Variants in REEP3 observed in about 807,000 individuals in gnomAD.
REEP3 encodes the protein receptor accessory protein 3.
REEP3 carries 20 observed loss-of-function variants against 41.3 expected under a neutral mutation model. The ratio of observed to expected loss-of-function variants is 0.48; its 90% confidence interval spans 0.34 to 0.70. REEP3 has a LOEUF of 0.70. REEP3 is among the 30% of genes least tolerant of loss of function. The probability of loss-of-function intolerance (pLI) is 0.01; values close to 1 mark genes in which losing one functional copy is unlikely to be tolerated. For synonymous variants in REEP3, 104 were observed against 101.8 expected, an observed-to-expected ratio of 1.02 and a Z score of -0.13; for missense variants, 271 against 308.8, an observed-to-expected ratio of 0.88 and a Z score of 0.92.
intron 5 of REEP3, among the ~76,000 whole-genome samples, chr10:63,601,935 A>G (rs1001307263): frequency 1.3e-5 from 2 of 151,364 alleles, no homozygotes; most frequent in African/African-American, 4.8e-5. Flanking sequence ...AAATACTAAT[A>G]ATAAAATAAA....
intron 6 of REEP3, among the ~76,000 whole-genome samples, chr10:63,614,174 A>G (rs1364893117): frequency 6.6e-6 from 1 of 152,220 alleles, no homozygotes; most frequent in East Asian, 1.9e-4. Context: ...TCAACCTCAG[A>G]TAATCAAAAA....
chr10:63,548,977 G>GTT (rs1007833362), intron 1 of REEP3, among the ~76,000 whole-genome samples: 2 of 146,550 alleles, frequency 1.4e-5, no homozygotes, highest in Non-Finnish European at 1.5e-5. Context: ...TGCCCTTTGA[G>GTT]TTTTTTTTTT....
intron 1 of REEP3, among the ~76,000 whole-genome samples, chr10:63,556,629 G>GTTTTTTT: frequency 7.5e-5 from 1 of 13,398 alleles, no homozygotes; most frequent in Admixed American, 9.2e-4. Context: ...TTTTTTTGTT[G>GTTTTTTT]TTTTGTTTTT....
At chr10:63,619,220 C>G (rs776817842) in intron 6 of REEP3, among the ~76,000 whole-genome samples, 1 of 152,132 alleles carries the variant, frequency 6.6e-6, no homozygotes, top group Non-Finnish European at 1.5e-5. Flanking sequence ...ACACATAGAA[C>G]GGAAAAGCCT....
chr10:63,609,156 T>A (rs1001968272), intron 5 of REEP3, among the ~76,000 whole-genome samples: 3 of 152,104 alleles, frequency 2.0e-5, no homozygotes, highest in African/African-American at 7.2e-5. Flanking sequence ...TCTTTTACTT[T>A]AAAAAGTTGC....
chr10:63,599,614 G>T, intron 5 of REEP3: 1 of 771,840 alleles, frequency 1.3e-6, no homozygotes, highest in Non-Finnish European at 1.6e-6. Context: ...CTCTGTCTTT[G>T]GTGTTCTTTC....
chr10:63,578,412 T>C (rs1473651592), intron 2 of REEP3, among the ~76,000 whole-genome samples: 1 of 152,230 alleles, frequency 6.6e-6, no homozygotes, highest in Non-Finnish European at 1.5e-5. Flanking sequence ...TACTCTATAA[T>C]ATTAAGTAAG....
chr10:63,544,247 T>C (rs1955556702), intron 1 of REEP3, among the ~76,000 whole-genome samples: 2 of 152,340 alleles, frequency 1.3e-5, no homozygotes, highest in South Asian at 4.1e-4. Flanking sequence ...TAGATCAATT[T>C]GGTCTAACCT....
At chr10:63,576,759 G>T (rs574194279) in intron 2 of REEP3, among the ~76,000 whole-genome samples, 1 of 152,102 alleles carries the variant, frequency 6.6e-6, no homozygotes, top group Admixed American at 6.5e-5. Flanking sequence ...TTCCTGTGAG[G>T]GCTCTTTTCC....
In REEP3 at chr10:63,566,328, T is replaced by C. The variant is rs768241019; in HGVS notation, c.33-10T>C. The stretch of plus-strand genomic sequence containing the variant: ...TGTTTGAACAGTATTCTCATTTTTT[T>C]TACTTTTAGGCTGGTGTTTGGAATG... On this transcript the variant is annotated splice_polypyrimidine_tract_variant and intron_variant, in intron 1 of 7. Coordinates refer to ENST00000373758, the MANE Select transcript of REEP3 (RefSeq NM_001001330.3). 2.0e-6 allele frequency: 3 copies of C among 1,518,834 alleles called. No homozygotes were observed. In the South Asian group the frequency reaches 3.6e-5, roughly 18 times the overall value. 94.1% of individuals were successfully genotyped at this position (1,518,834 alleles called of 1,614,324 possible). A position where few individuals can be genotyped will look rare whatever the true frequency, so the allele number is the denominator to read the frequency against.
At position 63,572,135 on chromosome 10, in the gene REEP3, T is replaced by G. The variant is rs181349071; in HGVS notation, c.105+5725T>G. On this transcript the variant is annotated intron_variant, in intron 2 of 7. Transcript: ENST00000373758. ...AAGAGGTTCAAAATGAAATAGAAGGTTTTGAAAATTCTGTAAAGTTCCTCC... is the reference window on the plus strand; with the variant it reads ...AAGAGGTTCAAAATGAAATAGAAGGGTTTGAAAATTCTGTAAAGTTCCTCC... 8.3e-4 allele frequency among the ~76,000 whole-genome samples: 126 copies of G among 152,166 alleles called. 2 individuals carry two copies. The highest frequency in any genetic ancestry group is 2.8e-3 in the African/African-American group (116 of 41,516).
intron 1 of REEP3, among the ~76,000 whole-genome samples, chr10:63,555,967 T>C (rs1955674599): frequency 6.6e-6 from 1 of 152,144 alleles, no homozygotes. Context: ...TCAGTGAAAA[T>C]AAGTTGTCTT....
chr10:63,593,752 C>G (rs556076196), intron 2 of REEP3, among the ~76,000 whole-genome samples: 1 of 152,218 alleles, frequency 6.6e-6, no homozygotes, highest in East Asian at 1.9e-4. Flanking sequence ...AAGGATAGGT[C>G]CCAAGAGAAG....
Position 63,594,820 on chromosome 10 carries a change from G to C in REEP3, c.148G>C (p.Val50Leu). 6.2e-7 allele frequency: 1 copy of C among 1,612,700 alleles called. No homozygotes were observed. The highest frequency in any genetic ancestry group is 8.5e-7 in the Non-Finnish European group (1 of 1,178,816). The change falls in exon 3 of 8, where the codon GTG (valine) becomes CTG (leucine). Residue 50 changes from valine (V) to leucine (L), a missense_variant. Physicochemically the swap from Val to Leu is conservative, Grantham distance 32. Coordinates refer to ENST00000373758, the MANE Select transcript of REEP3 (RefSeq NM_001001330.3). ...CTGGATTGTTTTTGCTCTCTATACT[G>C]TGATTGAAACAGTAGCCGATCAAAC... ...MYWIVFALYTVIETVADQTVA... is the reference protein window; with the variant it reads ...MYWIVFALYTLIETVADQTVA...
intron 1 of REEP3, among the ~76,000 whole-genome samples, chr10:63,537,067 G>GAAA (rs1237212062): frequency 2.0e-5 from 3 of 152,156 alleles, no homozygotes; most frequent in Non-Finnish European, 4.4e-5. Flanking sequence ...ATATTTATAG[G>GAAA]AAAATCCTTA....
chr10:63,566,510 G>T, intron 2 of REEP3, 100 bp downstream of exon 2: 3 of 672,622 alleles, frequency 4.5e-6, no homozygotes, highest in South Asian at 1.9e-5. Flanking sequence ...TAGTGTTTTG[G>T]GTTAAAAGGT....
intron 2 of REEP3, among the ~76,000 whole-genome samples, chr10:63,579,046 G>T (rs1382134934): frequency 3.4e-5 from 5 of 148,238 alleles, no homozygotes; most frequent in Non-Finnish European, 7.5e-5. Flanking sequence ...TTTTTTGGGG[G>T]GGGGGAGATG....
At chr10:63,584,944 A>G (rs1955990994) in intron 2 of REEP3, among the ~76,000 whole-genome samples, 1 of 152,118 alleles carries the variant, frequency 6.6e-6, no homozygotes, top group Non-Finnish European at 1.5e-5. Context: ...TTTACTTAGT[A>G]TGGTTTTAAG....
At chr10:63,580,611 T>G (rs1018129559) in intron 2 of REEP3, among the ~76,000 whole-genome samples, 3 of 151,928 alleles carry the variant, frequency 2.0e-5, no homozygotes, top group African/African-American at 7.3e-5. Context: ...TTGAAATAAC[T>G]AAGGTATAGG....
Sources: gnomAD v4.1 joint callset for allele counts (sites outside exome capture counted in the v4.1 genomes callset) on GRCh38, gnomAD v4.1.1 for gene constraint, MANE v1.5 for transcripts, NCBI Gene and HGNC (gene_info 2026-07-23, HGNC 2026-07-21) for gene names.